Variants in RARB observed in about 807,000 individuals in gnomAD.
RARB encodes the protein retinoic acid receptor beta.
A neutral mutation model predicts 51.9 loss-of-function variants in RARB; 17 were observed. The observed-to-expected ratio is 0.33, with a 90% CI of 0.22 to 0.49. The LOEUF (loss-of-function observed/expected upper bound fraction) is 0.49, where lower values mean the gene tolerates loss of function less well. Among genes scored for constraint, RARB ranks in the 20% least tolerant of loss-of-function variants. The pLI is 0.99. For synonymous variants in RARB, 215 were observed against 195.4 expected (o/e 1.10, Z -0.84); for missense variants, 369 against 550.8 (o/e 0.67, Z 3.30).
chr3:25,139,533 C>T (rs1476631815), intron 4 of RARB, among the ~76,000 whole-genome samples: 1 of 152,008 alleles, frequency 6.6e-6, no homozygotes, highest in Non-Finnish European at 1.5e-5. Flanking sequence ...GATGAGGAAG[C>T]TGCTGGAAAA....
intron 5 of RARB, among the ~76,000 whole-genome samples, chr3:25,210,065 G>T (rs982267773): frequency 3.9e-5 from 6 of 152,086 alleles, no homozygotes; most frequent in African/African-American, 1.4e-4. Context: ...CTCCTGAGCT[G>T]GTTCTATTTT....
intron 5 of RARB, among the ~76,000 whole-genome samples, chr3:25,282,832 GC>G (rs1486694675): frequency 6.6e-6 from 1 of 152,170 alleles, no homozygotes; most frequent in Non-Finnish European, 1.5e-5. Context: ...TTTCTCGTAA[GC>G]CTTGGATACC....
intron 1 of RARB, among the ~76,000 whole-genome samples, chr3:25,434,984 A>G (rs1188307812): frequency 1.3e-5 from 2 of 152,088 alleles, no homozygotes; most frequent in Non-Finnish European, 2.9e-5. Context: ...TCTTAAACCC[A>G]GATTTATTTT....
At chr3:24,890,352 C>T (rs1703354349) in intron 2 of RARB, among the ~76,000 whole-genome samples, 1 of 152,284 alleles carries the variant, frequency 6.6e-6, no homozygotes, top group South Asian at 2.1e-4. Context: ...CTCTCTGTTA[C>T]TTATAGGAGG....
chr3:25,422,175 C>T (rs1407138163), intron 5 of RARB, among the ~76,000 whole-genome samples: 1 of 152,138 alleles, frequency 6.6e-6, no homozygotes, highest in African/African-American at 2.4e-5. Flanking sequence ...AAGTGCTGAA[C>T]TAGGAATTAA....
At chr3:25,371,568 T>G (rs1706300327) in intron 5 of RARB, among the ~76,000 whole-genome samples, 1 of 152,234 alleles carries the variant, frequency 6.6e-6, no homozygotes, top group Non-Finnish European at 1.5e-5. Context: ...GAAAAAATAT[T>G]GCCAATATTT....
chr3:24,938,817 T>C (rs185930496), intron 2 of RARB, among the ~76,000 whole-genome samples: 1 of 152,296 alleles, frequency 6.6e-6, no homozygotes, highest in East Asian at 1.9e-4. Flanking sequence ...AATCATACCA[T>C]ATTTGTCCTT....
At chr3:25,296,472 A>AT (rs1289300102) in intron 5 of RARB, among the ~76,000 whole-genome samples, 2 of 152,152 alleles carry the variant, frequency 1.3e-5, no homozygotes, top group Non-Finnish European at 2.9e-5. Context: ...GTTGATTTTA[A>AT]TTGTACCTAC....
chr3:24,876,473 GA>G (rs1341444582), intron 2 of RARB, among the ~76,000 whole-genome samples: 9 of 152,036 alleles, frequency 5.9e-5, no homozygotes, highest in African/African-American at 2.2e-4. Flanking sequence ...ATAATGGCTT[GA>G]AAAAGAATCA....
At chr3:25,175,279 G>C (rs1263572990) in intron 5 of RARB, among the ~76,000 whole-genome samples, 2 of 152,146 alleles carry the variant, frequency 1.3e-5, no homozygotes, top group African/African-American at 4.8e-5. Context: ...GGTAGCCAGC[G>C]AGCTTTTCCA....
rs546710504 is a variant in RARB, at chr3:25,204,864, C to T, written c.178+30289C>T. On this transcript the variant is annotated intron_variant, in intron 5 of 11. Transcript: ENST00000383772. ...GGGGGTGCCTGCCAGTTAGGCTACT[C>T]GGGGGTCAGGGACCCACTTGAGGAG... Among the ~76,000 whole-genome samples, 35 of 152,228 alleles carry T rather than the reference C, an allele frequency of 2.3e-4. No individual in the cohort carries two copies. The South Asian group carries it at 6.4e-3, about 28-fold the overall frequency.
intron 3 of RARB, among the ~76,000 whole-genome samples, chr3:25,516,631 C>CTTTTTTT (rs559135603): frequency 7.6e-6 from 1 of 131,728 alleles, no homozygotes; most frequent in African/African-American, 3.3e-5. Flanking sequence ...ATTTCCTTGT[C>CTTTTTTT]TTTTTTTTTT....
At chr3:25,160,395 G>A (rs373189168) in intron 4 of RARB, among the ~76,000 whole-genome samples, 3 of 152,090 alleles carry the variant, frequency 2.0e-5, no homozygotes, top group South Asian at 2.1e-4. Context: ...TAGAACCCAC[G>A]TCTTTTATAG....
intron 3 of RARB, among the ~76,000 whole-genome samples, chr3:25,076,147 T>TTA (rs752621109): frequency 8.6e-5 from 1 of 11,582 alleles, no homozygotes; most frequent in Non-Finnish European, 3.4e-4. Flanking sequence ...CAGTTATTTA[T>TTA]TTTTTTTTTT....
intron 1 of RARB, among the ~76,000 whole-genome samples, chr3:25,441,893 C>T (rs1407684111): frequency 6.6e-6 from 1 of 152,132 alleles, no homozygotes; most frequent in African/African-American, 2.4e-5. Flanking sequence ...CTATGATCCT[C>T]AGTAAACTAT....
At chr3:25,398,617 C>T (rs79827017) in intron 5 of RARB, among the ~76,000 whole-genome samples, 19,336 of 152,034 alleles carry the variant, frequency 0.13, 1,419 homozygotes, top group African/African-American at 0.2. Flanking sequence ...TTGCCCTCAT[C>T]TGGGATAAAC....
intron 1 of RARB, among the ~76,000 whole-genome samples, chr3:24,835,125 A>G (rs1702327740): frequency 6.6e-6 from 1 of 152,172 alleles, no homozygotes; most frequent in Admixed American, 6.5e-5. Flanking sequence ...TTCCACCATT[A>G]TCGGATTTAA....
intron 5 of RARB, among the ~76,000 whole-genome samples, chr3:25,364,612 G>A (rs997708107): frequency 1.3e-5 from 2 of 152,242 alleles, no homozygotes; most frequent in Non-Finnish European, 2.9e-5. Flanking sequence ...GCTTGAGTGT[G>A]TGATGAAGTA....
chr3:24,913,062 G>C (rs1695028629), intron 2 of RARB, among the ~76,000 whole-genome samples: 1 of 140,098 alleles, frequency 7.1e-6, no homozygotes, highest in Non-Finnish European at 1.5e-5. Flanking sequence ...CTCACTGCAA[G>C]CTCCGCCTCC....
Sources: allele counts gnomAD v4.1 joint callset (sites outside exome capture counted in the v4.1 genomes callset), GRCh38; gene constraint gnomAD v4.1.1; transcripts MANE v1.5; gene names NCBI Gene and HGNC (gene_info 2026-07-23, HGNC 2026-07-21).